NOS1AP: variants seen among roughly 807,000 people sequenced by gnomAD.
NOS1AP encodes nitric oxide synthase 1 adaptor protein.
NOS1AP carries 21 observed loss-of-function variants against 56.2 expected under a neutral mutation model. That is an observed-to-expected ratio of 0.37 (90% CI 0.26 to 0.54). The LOEUF (loss-of-function observed/expected upper bound fraction) is 0.54, where lower values mean the gene tolerates loss of function less well. Ranked by LOEUF, NOS1AP falls within the 20% of genes least tolerant of loss-of-function variation. The pLI, the probability that NOS1AP is intolerant of heterozygous loss-of-function variation, is 0.84. For missense variants in NOS1AP, 522 were observed against 657.8 expected (o/e 0.79, Z 2.26); for synonymous variants, 270 against 274.6 (o/e 0.98, Z 0.17).
intron 1 of NOS1AP, among the ~76,000 whole-genome samples, chr1:162,083,342 T>C (rs1471895705): frequency 6.6e-6 from 1 of 152,192 alleles, no homozygotes; most frequent in Non-Finnish European, 1.5e-5. Flanking sequence ...AGATAACATA[T>C]TATCTTGAGT....
At chr1:162,258,046 A>G (rs1175378368) in intron 2 of NOS1AP, among the ~76,000 whole-genome samples, 1 of 151,996 alleles carries the variant, frequency 6.6e-6, no homozygotes, top group Non-Finnish European at 1.5e-5. Context: ...ATAATTCTCC[A>G]GTGCTCATTT....
At chr1:162,248,103 C>G (rs954232133) in intron 2 of NOS1AP, among the ~76,000 whole-genome samples, 1 of 151,992 alleles carries the variant, frequency 6.6e-6, no homozygotes, top group East Asian at 1.9e-4. Context: ...GACAACACAA[C>G]GAGATCCCAC....
intron 4 of NOS1AP, among the ~76,000 whole-genome samples, chr1:162,327,351 G>A (rs895233732): frequency 6.6e-6 from 1 of 152,206 alleles, no homozygotes; most frequent in African/African-American, 2.4e-5. Context: ...TGAAAAATAT[G>A]ATTGCAAAAT....
chr1:162,104,798 C>A (rs1005287627), intron 1 of NOS1AP, among the ~76,000 whole-genome samples: 2 of 152,086 alleles, frequency 1.3e-5, no homozygotes, highest in African/African-American at 2.4e-5. Context: ...TGGCTATCAG[C>A]TCCTGTATTG....
Position 162,315,339 on chromosome 1 carries a change from G to A in NOS1AP, c.344+14633G>A, listed in dbSNP as rs191265884. Among the ~76,000 whole-genome samples, 216 of 152,302 alleles carry A rather than the reference G, an allele frequency of 1.4e-3. 2 individuals carry two copies. Among genetic ancestry groups the A allele is most frequent in the African/African-American group, 5.0e-3 (209 of 41,572 alleles). On this transcript the variant is annotated intron_variant, in intron 4 of 9. Coordinates refer to ENST00000361897, the MANE Select transcript of NOS1AP (RefSeq NM_014697.3). Reference sequence around the variant, plus strand: ...GTAGGACCGTGTTGTAGCTTACTCCGCAGCATGAGCATTTTGCACTAAACA... The same window carrying A: ...GTAGGACCGTGTTGTAGCTTACTCCACAGCATGAGCATTTTGCACTAAACA...
At chr1:162,167,189 C>T (rs966722210) in intron 2 of NOS1AP, among the ~76,000 whole-genome samples, 10 of 152,176 alleles carry the variant, frequency 6.6e-5, no homozygotes, top group Admixed American at 2.0e-4. Context: ...ACGAGCTCAC[C>T]CTGCTTTCTA....
intron 1 of NOS1AP, among the ~76,000 whole-genome samples, chr1:162,113,734 C>G (rs1389523156): frequency 6.6e-6 from 1 of 152,118 alleles, no homozygotes; most frequent in East Asian, 1.9e-4. Flanking sequence ...CTATGATCCA[C>G]TACCTCCTGC....
At chr1:162,360,924 G>C in intron 8 of NOS1AP, 1 of 456,714 alleles carries the variant, frequency 2.2e-6, no homozygotes, top group South Asian at 1.5e-5. Context: ...CTGGAGTCCA[G>C]GCAAGTAAGC....
intron 2 of NOS1AP, among the ~76,000 whole-genome samples, chr1:162,178,707 A>C (rs539917302): frequency 6.6e-6 from 1 of 152,306 alleles, no homozygotes; most frequent in South Asian, 2.1e-4. Context: ...ATCCAGAAGC[A>C]CCTCGTTCAG....
intron 1 of NOS1AP, among the ~76,000 whole-genome samples, chr1:162,105,135 T>A (rs1019823677): frequency 2.0e-5 from 3 of 152,240 alleles, no homozygotes; most frequent in Non-Finnish European, 2.9e-5. Context: ...GTTTTTCTTT[T>A]AACAGTCAGG....
intron 2 of NOS1AP, among the ~76,000 whole-genome samples, chr1:162,172,573 G>A (rs191504077): frequency 6.8e-4 from 104 of 152,150 alleles, no homozygotes; most frequent in African/African-American, 2.4e-3. Flanking sequence ...TTGATGAGGC[G>A]GGTGGTTTAA....
intron 6 of NOS1AP, among the ~76,000 whole-genome samples, chr1:162,345,033 A>C (rs1180989768): frequency 6.6e-6 from 1 of 152,200 alleles, no homozygotes; most frequent in Non-Finnish European, 1.5e-5. Context: ...TACCTACGAA[A>C]AAATCTTAAA....
At chr1:162,321,467 G>A (rs996541472) in intron 4 of NOS1AP, among the ~76,000 whole-genome samples, 3 of 152,138 alleles carry the variant, frequency 2.0e-5, no homozygotes, top group Admixed American at 1.3e-4. Flanking sequence ...ACTATCGCAA[G>A]GACAGAAAAC....
At chr1:162,366,098 T>A (rs1451910170) in intron 9 of NOS1AP, among the ~76,000 whole-genome samples, 5 of 152,190 alleles carry the variant, frequency 3.3e-5, no homozygotes, top group Admixed American at 2.0e-4. Flanking sequence ...TGCTGGGCAA[T>A]AGCAGAGGTT....
intron 1 of NOS1AP, among the ~76,000 whole-genome samples, chr1:162,154,011 C>G (rs1195551973): frequency 6.8e-6 from 1 of 147,712 alleles, no homozygotes; most frequent in African/African-American, 2.5e-5. Context: ...TTGCCAATCA[C>G]TTTTGTGTAG....
chr1:162,265,052 T>C (rs571458585), intron 2 of NOS1AP, among the ~76,000 whole-genome samples: 1 of 152,128 alleles, frequency 6.6e-6, no homozygotes, highest in East Asian at 1.9e-4. Context: ...TGATCTCAAA[T>C]GATCCACCCA....
intron 2 of NOS1AP, among the ~76,000 whole-genome samples, chr1:162,159,547 G>A (rs1400790305): frequency 1.3e-5 from 2 of 152,180 alleles, no homozygotes; most frequent in Middle Eastern, 3.4e-3. Context: ...AATAGCTAGC[G>A]CCTTTTTTTC....
chr1:162,284,652 G>A (rs1013518641), intron 2 of NOS1AP, among the ~76,000 whole-genome samples: 2 of 152,218 alleles, frequency 1.3e-5, no homozygotes, highest in Non-Finnish European at 2.9e-5. Context: ...TTGAATTAGA[G>A]ACCTGTTTCC....
intron 3 of NOS1AP, among the ~76,000 whole-genome samples, chr1:162,295,347 T>G (rs562158835): frequency 6.6e-6 from 1 of 152,084 alleles, no homozygotes; most frequent in Non-Finnish European, 1.5e-5. Flanking sequence ...CAAGGATTTC[T>G]TTTTTTTAAA....
Sources: allele counts gnomAD v4.1 joint callset (sites outside exome capture counted in the v4.1 genomes callset), GRCh38; gene constraint gnomAD v4.1.1; transcripts MANE v1.5; gene names NCBI Gene and HGNC (gene_info 2026-07-23, HGNC 2026-07-21).